The following ATAD2B variants were observed in gnomAD, a reference collection of about 807,000 sequenced individuals.
The protein encoded by ATAD2B is ATPase family AAA domain-containing protein 2B.
In ATAD2B, 40 loss-of-function variants were observed where a neutral mutation model predicts 167.6. The observed-to-expected ratio is 0.24, with a 90% CI of 0.19 to 0.31. ATAD2B has a LOEUF of 0.31. Among genes scored for constraint, ATAD2B ranks in the 10% least tolerant of loss-of-function variants. The pLI is 1.00. For missense variants in ATAD2B, 1,242 were observed against 1,757.2 expected (o/e 0.71, Z 5.24); for synonymous variants, 579 against 596.5 (o/e 0.97, Z 0.43).
intron 19 of ATAD2B, 148 bp downstream of exon 19, chr2:23,797,990 C>A (rs1682880453): frequency 2.1e-6 from 1 of 476,960 alleles, no homozygotes; most frequent in Non-Finnish European, 3.7e-6. Context: ...AAATAACTTA[C>A]CTACATCATA....
chr2:23,833,901 G>A lies in ATAD2B; in HGVS notation c.1728+18C>T. The A allele has an allele frequency of 6.3e-7, 1 of 1,578,692 alleles. No homozygotes were observed. Among genetic ancestry groups the A allele is most frequent in the African/African-American group, 1.4e-5 (1 of 73,114 alleles). On this transcript the variant is annotated intron_variant, in intron 14 of 27. Coordinates refer to ENST00000238789, the MANE Select transcript of ATAD2B (RefSeq NM_017552.4). ...AATTACATATAAATGTTAACATATTGAAAACAAAAACTCTTACCTTTTGAT... is the reference window on the plus strand; with the variant it reads ...AATTACATATAAATGTTAACATATTAAAAACAAAAACTCTTACCTTTTGAT...
intron 13 of ATAD2B, among the ~76,000 whole-genome samples, chr2:23,851,332 G>A (rs1203639607): frequency 6.6e-6 from 1 of 152,088 alleles, no homozygotes; most frequent in Non-Finnish European, 1.5e-5. Flanking sequence ...GTAGAGACAC[G>A]GTTTTGCCAC....
In ATAD2B at chr2:23,765,722, AT is replaced by A. The variant is rs1220218802; in HGVS notation, c.3134-95del. On this transcript the variant is annotated intron_variant, in intron 22 of 27. Transcript: ENST00000238789. ...AAAGTAAAAGAATACAAACAAAATT[AT>A]AAAAAGCATTGCTAGGTGAGAAAAA... 7.0e-5 allele frequency: 58 copies of A among 823,500 alleles called. No homozygotes were observed. In the African/African-American group the frequency reaches 1.0e-3, roughly 14 times the overall value. 51.0% of individuals were successfully genotyped at this position (823,500 alleles called of 1,614,324 possible).
At chr2:23,706,267 G>A in the ATAD2B span, among the ~76,000 whole-genome samples, 5 of 152,188 alleles carry the variant, frequency 3.3e-5, no homozygotes, top group African/African-American at 7.2e-5. Context: ...TCTGCCGCTC[G>A]CAGGGTGGCA....
chr2:23,869,785 T>C (rs1328465181), intron 8 of ATAD2B, 24 bp from the exon 9 acceptor site: 2 of 1,475,766 alleles, frequency 1.4e-6, no homozygotes, highest in Non-Finnish European at 1.8e-6. Context: ...GTAAAATCCT[T>C]AAAACCATTA....
chr2:23,836,004 G>T (rs1434470514), intron 13 of ATAD2B, among the ~76,000 whole-genome samples: 1 of 152,010 alleles, frequency 6.6e-6, no homozygotes, highest in South Asian at 2.1e-4. Flanking sequence ...CGCTTTTCTG[G>T]CTGGAAACCT....
chr2:23,754,406 G>T lies in ATAD2B; in HGVS notation c.4207-99C>A. On this transcript the variant is annotated intron_variant, in intron 26 of 27. Coordinates refer to ENST00000238789, the MANE Select transcript of ATAD2B (RefSeq NM_017552.4). ...TAGTCAATAAACACCATAAAGCGAG[G>T]ATGTAACAGTGAACATGAAATTAAA... The T allele has an allele frequency of 4.7e-6, 6 of 1,278,280 alleles. No homozygotes were observed. In the South Asian group the frequency reaches 5.8e-5, roughly 12 times the overall value. 79.2% of individuals were successfully genotyped at this position (1,278,280 alleles called of 1,614,324 possible). A position where few individuals can be genotyped will look rare whatever the true frequency, so the allele number is the denominator to read the frequency against.
chr2:23,848,306 C>T (rs1265336993), intron 13 of ATAD2B, among the ~76,000 whole-genome samples: 1 of 151,862 alleles, frequency 6.6e-6, no homozygotes, highest in African/African-American at 2.4e-5. Flanking sequence ...AGCTCGAGAC[C>T]GTGTCTCTAC....
At chr2:23,788,382 T>C in intron 20 of ATAD2B, 130 bp downstream of exon 20, 3 of 1,031,144 alleles carry the variant, frequency 2.9e-6, no homozygotes, top group South Asian at 1.6e-5. Context: ...CCACACGTCA[T>C]CTAAAGATAA....
chr2:23,701,877 C>T, the ATAD2B span, among the ~76,000 whole-genome samples: 158 of 150,626 alleles, frequency 1.0e-3, no homozygotes, highest in African/African-American at 3.6e-3. Flanking sequence ...CTTGGCTCAC[C>T]GCAGCCTCTG....
At chr2:23,920,087 G>A (rs72796337) in intron 1 of ATAD2B, among the ~76,000 whole-genome samples, 18,269 of 151,278 alleles carry the variant, frequency 0.12, 1,185 homozygotes, top group Middle Eastern at 0.22. Flanking sequence ...CGAAGCGGAG[G>A]TTGCAGTGAG....
chr2:23,726,856 C>T, the ATAD2B span, among the ~76,000 whole-genome samples: 1 of 151,940 alleles, frequency 6.6e-6, no homozygotes, highest in East Asian at 1.9e-4. Context: ...AAAAGTGCTC[C>T]GGAGATGGAT....
chr2:23,684,230 A>T, the ATAD2B span, among the ~76,000 whole-genome samples: 1 of 151,618 alleles, frequency 6.6e-6, no homozygotes, highest in African/African-American at 2.4e-5. The surrounding 1 kb of genome is among the most constrained non-coding windows in gnomAD (Gnocchi z 4.4). Context: ...TTTATGCATT[A>T]TGTTTGTGAC....
At chr2:23,818,417 A>G (rs1485058431) in intron 17 of ATAD2B, among the ~76,000 whole-genome samples, 2 of 152,020 alleles carry the variant, frequency 1.3e-5, no homozygotes, top group African/African-American at 4.8e-5. Context: ...CAATAAAACA[A>G]ATCTGTAAAA....
At chr2:23,692,697 A>G in the ATAD2B span, among the ~76,000 whole-genome samples, 4 of 151,346 alleles carry the variant, frequency 2.6e-5, no homozygotes, top group African/African-American at 2.4e-5. Flanking sequence ...TGGGAGGGAC[A>G]GTATTGGGTA....
intron 20 of ATAD2B, among the ~76,000 whole-genome samples, chr2:23,788,005 T>C (rs907464573): frequency 2.6e-5 from 4 of 152,108 alleles, no homozygotes; most frequent in African/African-American, 9.7e-5. Flanking sequence ...AAAGGCAGGA[T>C]AGATTTTCAA....
intron 19 of ATAD2B, among the ~76,000 whole-genome samples, chr2:23,792,079 T>C (rs1681827835): frequency 1.3e-5 from 2 of 152,030 alleles, no homozygotes; most frequent in African/African-American, 4.8e-5. Flanking sequence ...TTTTTTTTTT[T>C]TGAGACGGAG....
intron 12 of ATAD2B, among the ~76,000 whole-genome samples, chr2:23,862,643 T>C (rs576103959): frequency 1.3e-5 from 2 of 152,296 alleles, no homozygotes; most frequent in East Asian, 3.9e-4. Flanking sequence ...ATAGTAGACA[T>C]AGTCCACATG....
intron 1 of ATAD2B, among the ~76,000 whole-genome samples, chr2:23,919,297 A>T (rs1279133613): frequency 6.6e-6 from 1 of 152,180 alleles, no homozygotes; most frequent in Non-Finnish European, 1.5e-5. Context: ...CTGTAATCCC[A>T]GCACTTTGGG....
Sources: gnomAD v4.1 joint callset for allele counts (sites outside exome capture counted in the v4.1 genomes callset) on GRCh38, gnomAD v4.1.1 for gene constraint, Gnocchi (gnomAD v3.1) non-coding constraint, MANE v1.5 for transcripts, NCBI Gene and HGNC (gene_info 2026-07-23, HGNC 2026-07-21) for gene names.